Variants in ARHGAP15 observed in about 807,000 individuals in gnomAD.
The protein encoded by ARHGAP15 is rho GTPase-activating protein 15.
In ARHGAP15, 51 loss-of-function variants were observed where a neutral mutation model predicts 63.7. That is an observed-to-expected ratio of 0.80 (90% confidence interval 0.64 to 1.01). ARHGAP15 has a LOEUF of 1.01. ARHGAP15 is among the 50% of genes least tolerant of loss of function. The pLI is 0.00. For synonymous variants in ARHGAP15, 191 were observed against 193.8 expected (o/e 0.99, Z 0.12); for missense variants, 560 against 564.6 (o/e 0.99, Z 0.08).
intron 3 of ARHGAP15, among the ~76,000 whole-genome samples, chr2:143,206,088 G>A (rs1692321139): frequency 6.6e-6 from 1 of 152,118 alleles, no homozygotes; most frequent in Non-Finnish European, 1.5e-5. Flanking sequence ...ACATGATTAA[G>A]ACATGGCTCT....
chr2:143,420,509 G>T lies in ARHGAP15; in HGVS notation c.475-15092G>T, dbSNP rs534330815. 7.9e-5 allele frequency among the ~76,000 whole-genome samples: 12 copies of T among 152,246 alleles called. No homozygotes were observed. In the South Asian group the frequency reaches 2.5e-3, roughly 32 times the overall value. On this transcript the variant is annotated intron_variant, in intron 6 of 13. Transcript: ENST00000295095. ...ACTCCTCACATAGCATAAGTCTCTG[G>T]TAATTTTGGTGCAGGAAGGATGAGT...
At chr2:143,435,168 C>T in intron 6 of ARHGAP15, 1 of 732,394 alleles carries the variant, frequency 1.4e-6, no homozygotes, top group Non-Finnish European at 1.7e-6. Flanking sequence ...TTAGAGCTCT[C>T]CATAAAAGGA....
intron 13 of ARHGAP15, among the ~76,000 whole-genome samples, chr2:143,725,489 A>T (rs1574895583): frequency 6.6e-6 from 1 of 152,242 alleles, no homozygotes; most frequent in Non-Finnish European, 1.5e-5. Flanking sequence ...CAATTTGAGG[A>T]TTATAACTTG....
intron 2 of ARHGAP15, among the ~76,000 whole-genome samples, chr2:143,186,647 C>T (rs1249939869): frequency 6.6e-6 from 1 of 152,110 alleles, no homozygotes; most frequent in Non-Finnish European, 1.5e-5. Context: ...CTGAAAATAT[C>T]CCCTAAATGA....
At chr2:143,277,114 C>T (rs1681598338) in intron 6 of ARHGAP15, among the ~76,000 whole-genome samples, 1 of 152,034 alleles carries the variant, frequency 6.6e-6, no homozygotes, top group Non-Finnish European at 1.5e-5. Flanking sequence ...GAAATGCTTC[C>T]TTACACCCTC....
intron 8 of ARHGAP15, among the ~76,000 whole-genome samples, chr2:143,462,392 A>G (rs1690987015): frequency 1.3e-5 from 2 of 152,198 alleles, no homozygotes; most frequent in Non-Finnish European, 2.9e-5. Context: ...CAAAGAAGAA[A>G]TGATTCCTGA....
intron 12 of ARHGAP15, among the ~76,000 whole-genome samples, chr2:143,694,842 T>C (rs1406584124): frequency 6.6e-6 from 1 of 152,200 alleles, no homozygotes; most frequent in Admixed American, 6.6e-5. Flanking sequence ...TTAATATGCC[T>C]TCTTCAAAAA....
At chr2:143,415,778 G>T (rs985644739) in intron 6 of ARHGAP15, among the ~76,000 whole-genome samples, 10 of 152,108 alleles carry the variant, frequency 6.6e-5, no homozygotes, top group African/African-American at 2.4e-4. Context: ...TATATACAAT[G>T]GAATACTACT....
At chr2:143,721,560 C>G (rs1685060892) in intron 13 of ARHGAP15, among the ~76,000 whole-genome samples, 1 of 152,132 alleles carries the variant, frequency 6.6e-6, no homozygotes, top group South Asian at 2.1e-4. Flanking sequence ...CAAGATGAAT[C>G]AAGAGAAGAC....
chr2:143,215,758 CT>C (rs1439167686), intron 3 of ARHGAP15, among the ~76,000 whole-genome samples: 1 of 152,144 alleles, frequency 6.6e-6, no homozygotes, highest in Non-Finnish European at 1.5e-5. Flanking sequence ...GTTATAATGA[CT>C]TGTTGAATTT....
At chr2:143,527,341 T>C (rs185994824) in intron 10 of ARHGAP15, among the ~76,000 whole-genome samples, 120 of 152,186 alleles carry the variant, frequency 7.9e-4, no homozygotes, top group Non-Finnish European at 1.4e-3. Flanking sequence ...TCTAAATTCT[T>C]TGGGAGGTTA....
chr2:143,299,283 C>T (rs1315924731), intron 6 of ARHGAP15, among the ~76,000 whole-genome samples: 1 of 151,904 alleles, frequency 6.6e-6, no homozygotes, highest in African/African-American at 2.4e-5. Context: ...AGAGTCAAAC[C>T]TCACCACTCT....
At chr2:143,354,818 T>C (rs1685738674) in intron 6 of ARHGAP15, among the ~76,000 whole-genome samples, 1 of 152,188 alleles carries the variant, frequency 6.6e-6, no homozygotes, top group Admixed American at 6.6e-5. Flanking sequence ...TGTAATTAAA[T>C]ATTAATGTCA....
At chr2:143,358,686 A>G (rs1403114086) in intron 6 of ARHGAP15, among the ~76,000 whole-genome samples, 13 of 151,766 alleles carry the variant, frequency 8.6e-5, no homozygotes, top group Non-Finnish European at 1.6e-4. Context: ...TAGCTATGCA[A>G]CATATCTATA....
At chr2:143,279,977 G>A (rs537872118) in intron 6 of ARHGAP15, among the ~76,000 whole-genome samples, 1 of 152,118 alleles carries the variant, frequency 6.6e-6, no homozygotes, top group Non-Finnish European at 1.5e-5. Context: ...CTTGGGAAGT[G>A]GCTGTTGCTG....
chr2:143,401,488 C>T (rs1287092778), intron 6 of ARHGAP15, among the ~76,000 whole-genome samples: 1 of 151,992 alleles, frequency 6.6e-6, no homozygotes, highest in African/African-American at 2.4e-5. Context: ...ATGTACAAAA[C>T]ATTCTTTACA....
At chr2:143,525,255 A>G (rs747364665) in intron 10 of ARHGAP15, among the ~76,000 whole-genome samples, 2 of 151,794 alleles carry the variant, frequency 1.3e-5, no homozygotes, top group African/African-American at 4.8e-5. Flanking sequence ...AACTTTTATG[A>G]TTCTATCTTG....
At chr2:143,216,474 A>G (rs773070036) in intron 4 of ARHGAP15, 29 bp downstream of exon 4, 4 of 1,495,050 alleles carry the variant, frequency 2.7e-6, no homozygotes, top group Middle Eastern at 1.8e-4. Flanking sequence ...TCACTTTTAT[A>G]TAACTATGCT....
At chr2:143,233,498 A>G (rs1693526593) in intron 5 of ARHGAP15, among the ~76,000 whole-genome samples, 1 of 151,656 alleles carries the variant, frequency 6.6e-6, no homozygotes, top group South Asian at 2.1e-4. Context: ...TGCTCATAAT[A>G]TTTTTCTCAT....
Sources: gnomAD v4.1 joint callset for allele counts (sites outside exome capture counted in the v4.1 genomes callset) on GRCh38, gnomAD v4.1.1 for gene constraint, MANE v1.5 for transcripts, NCBI Gene and HGNC (gene_info 2026-07-23, HGNC 2026-07-21) for gene names.